Variants in NCKAP5 observed in about 807,000 individuals in gnomAD.
NCKAP5 encodes nck-associated protein 5.
A neutral mutation model predicts 167.0 loss-of-function variants in NCKAP5; 92 were observed. The observed-to-expected ratio is 0.55, with a 90% CI of 0.47 to 0.66. The LOEUF is 0.66. NCKAP5 is among the 30% of genes least tolerant of loss of function. The probability of loss-of-function intolerance (pLI) is 0.00; values close to 1 mark genes in which losing one functional copy is unlikely to be tolerated. For missense variants in NCKAP5, 2,378 were observed against 2,315.0 expected (o/e 1.03, Z -0.56); for synonymous variants, 891 against 877.4 (o/e 1.02, Z -0.27).
intron 3 of NCKAP5, among the ~76,000 whole-genome samples, chr2:133,404,621 G>A (rs1688309834): frequency 6.6e-6 from 1 of 152,204 alleles, no homozygotes; most frequent in Non-Finnish European, 1.5e-5. Context: ...CTGAAACAGT[G>A]AAAAGTGAAA....
At chr2:133,638,752 A>C in the NCKAP5 span, among the ~76,000 whole-genome samples, 2 of 151,768 alleles carry the variant, frequency 1.3e-5, no homozygotes, top group African/African-American at 2.4e-5. Flanking sequence ...CCAGCTACTC[A>C]GGAGGCTGAG....
At chr2:132,681,203 A>C (rs992501171) in intron 19 of NCKAP5, among the ~76,000 whole-genome samples, 1 of 152,266 alleles carries the variant, frequency 6.6e-6, no homozygotes, top group African/African-American at 2.4e-5. Flanking sequence ...CTGAGATGAG[A>C]ACTTCTAAAT....
At chr2:132,727,575 G>A (rs1054722992) in intron 18 of NCKAP5, among the ~76,000 whole-genome samples, 1 of 152,216 alleles carries the variant, frequency 6.6e-6, no homozygotes, top group Non-Finnish European at 1.5e-5. Context: ...TGCCTGCTCC[G>A]GTTTGGGAGG....
intron 16 of NCKAP5, among the ~76,000 whole-genome samples, chr2:132,762,943 C>T (rs184096002): frequency 2.0e-5 from 3 of 152,076 alleles, no homozygotes; most frequent in Non-Finnish European, 4.4e-5. Flanking sequence ...GGTATGAGAG[C>T]TTTTTTTGGT....
At chr2:133,656,112 G>A in the NCKAP5 span, among the ~76,000 whole-genome samples, 1 of 152,172 alleles carries the variant, frequency 6.6e-6, no homozygotes, top group African/African-American at 2.4e-5. Context: ...AGAAGAAAAA[G>A]AGAGCACATT....
At chr2:132,925,623 C>T (rs67609170) in intron 8 of NCKAP5, among the ~76,000 whole-genome samples, 16,820 of 151,120 alleles carry the variant, frequency 0.11, 1,116 homozygotes, top group Middle Eastern at 0.18. Flanking sequence ...GGCAGAGGAG[C>T]TCAGGCAGTA....
At chr2:133,241,247 G>A (rs1032549777) in intron 4 of NCKAP5, among the ~76,000 whole-genome samples, 7 of 152,070 alleles carry the variant, frequency 4.6e-5, no homozygotes, top group Non-Finnish European at 7.4e-5. Context: ...TCTCTTCCTC[G>A]CCCTATTTTG....
chr2:133,525,490 C>T (rs767239633), intron 2 of NCKAP5, among the ~76,000 whole-genome samples: 10 of 152,146 alleles, frequency 6.6e-5, no homozygotes, highest in African/African-American at 2.2e-4. Context: ...TATTTTTCAA[C>T]ATGCAGCTCA....
chr2:133,277,841 T>C (rs2089791759), intron 4 of NCKAP5, among the ~76,000 whole-genome samples: 1 of 152,132 alleles, frequency 6.6e-6, no homozygotes, highest in South Asian at 2.1e-4. Context: ...TCCAATTATC[T>C]ATGGACATTC....
chr2:133,095,400 T>C (rs1177611077), intron 6 of NCKAP5, among the ~76,000 whole-genome samples: 2 of 152,226 alleles, frequency 1.3e-5, no homozygotes, highest in African/African-American at 4.8e-5. Flanking sequence ...GTCAGGCTCG[T>C]GACTGGTTTT....
intron 6 of NCKAP5, among the ~76,000 whole-genome samples, chr2:133,085,094 G>A (rs1313349392): frequency 6.6e-6 from 1 of 152,174 alleles, no homozygotes; most frequent in Non-Finnish European, 1.5e-5. Flanking sequence ...AGGGTGGGGA[G>A]ATGGGAAGGG....
intron 6 of NCKAP5, among the ~76,000 whole-genome samples, chr2:133,099,519 T>C (rs1362390902): frequency 2.0e-5 from 3 of 152,250 alleles, no homozygotes; most frequent in Admixed American, 1.3e-4. Flanking sequence ...TAAGTACATA[T>C]TGGGGTCACT....
chr2:132,902,193 G>A (rs537603805), intron 8 of NCKAP5, among the ~76,000 whole-genome samples: 163 of 152,234 alleles, frequency 1.1e-3, no homozygotes, highest in African/African-American at 3.5e-3. Context: ...TTAAATCTGA[G>A]AAAGTCAATT....
intron 6 of NCKAP5, among the ~76,000 whole-genome samples, chr2:133,082,791 TA>T (rs1271506046): frequency 1.3e-5 from 2 of 152,148 alleles, no homozygotes; most frequent in Non-Finnish European, 2.9e-5. Flanking sequence ...TTTAATTGTG[TA>T]ATTATAGACA....
chr2:132,877,421 T>G (rs1439499795), intron 9 of NCKAP5, among the ~76,000 whole-genome samples: 1 of 152,228 alleles, frequency 6.6e-6, no homozygotes, highest in Non-Finnish European at 1.5e-5. Context: ...CAAAGTGGTA[T>G]GATGATGACA....
intron 8 of NCKAP5, among the ~76,000 whole-genome samples, chr2:132,892,043 C>T (rs1319860098): frequency 6.6e-6 from 1 of 152,158 alleles, no homozygotes; most frequent in East Asian, 1.9e-4. Context: ...TAACCACGGC[C>T]ACTCACAGGC....
chr2:133,597,704 G>GA, the NCKAP5 span, among the ~76,000 whole-genome samples: 5 of 136,604 alleles, frequency 3.7e-5, no homozygotes, highest in South Asian at 9.3e-4. Context: ...AAAAAGAAGA[G>GA]AAAAAAAAGG....
chr2:133,305,348 C>A (rs940039261), intron 3 of NCKAP5, among the ~76,000 whole-genome samples: 3 of 152,112 alleles, frequency 2.0e-5, no homozygotes, highest in African/African-American at 7.2e-5. Context: ...TCTCTCTAAG[C>A]CTTAGTTTCT....
chr2:132,734,008 T>C (rs1691278553), intron 16 of NCKAP5, among the ~76,000 whole-genome samples: 2 of 152,332 alleles, frequency 1.3e-5, no homozygotes, highest in South Asian at 4.1e-4. Context: ...TGTTTGGTCA[T>C]GGACTCCAGG....
Sources: gnomAD v4.1 joint callset for allele counts (sites outside exome capture counted in the v4.1 genomes callset) on GRCh38, gnomAD v4.1.1 for gene constraint, MANE v1.5 for transcripts, NCBI Gene and HGNC (gene_info 2026-07-23, HGNC 2026-07-21) for gene names.